The following ATP9B variants were observed in gnomAD, a reference collection of about 807,000 sequenced individuals.
ATP9B encodes probable phospholipid-transporting ATPase IIB.
ATP9B carries 110 observed loss-of-function variants against 146.1 expected under a neutral mutation model. The observed-to-expected ratio is 0.75, with a 90% confidence interval of 0.65 to 0.88. The LOEUF is 0.88. ATP9B is among the 40% of genes least tolerant of loss of function. The probability of loss-of-function intolerance (pLI) is 0.00; values close to 1 mark genes in which losing one functional copy is unlikely to be tolerated. For missense variants in ATP9B, 1,499 were observed against 1,496.4 expected (o/e 1.00, Z -0.03); for synonymous variants, 604 against 569.7 (o/e 1.06, Z -0.86).
chr18:79,317,989 G>A (rs1381027224), intron 15 of ATP9B, among the ~76,000 whole-genome samples: 1 of 152,232 alleles, frequency 6.6e-6, no homozygotes, highest in Non-Finnish European at 1.5e-5. Context: ...AGCTCCCTGT[G>A]GTGAATGCTG....
At chr18:79,245,626 G>C (rs73973028) in intron 11 of ATP9B, among the ~76,000 whole-genome samples, 51,873 of 98,702 alleles carry the variant, frequency 0.53, 11,269 homozygotes, top group African/African-American at 0.63. Context: ...CTACTGACTG[G>C]GGAGGGTACC....
intron 13 of ATP9B, among the ~76,000 whole-genome samples, chr18:79,278,437 C>T (rs1440540267): frequency 6.6e-6 from 1 of 152,144 alleles, no homozygotes; most frequent in East Asian, 1.9e-4. Flanking sequence ...GCTGATTTTG[C>T]CCAACTGTCA....
intron 26 of ATP9B, among the ~76,000 whole-genome samples, chr18:79,366,608 A>G (rs529428266): frequency 6.2e-4 from 95 of 152,354 alleles, no homozygotes; most frequent in African/African-American, 2.0e-3. Flanking sequence ...AGATAAATAA[A>G]TAGATGAAGA....
At chr18:79,200,790 G>GGGACTGTCGGGGGCAGAGC (rs1402464696) in intron 9 of ATP9B, among the ~76,000 whole-genome samples, 1 of 152,130 alleles carries the variant, frequency 6.6e-6, no homozygotes, top group South Asian at 2.1e-4. Context: ...AGTAGTGGTG[G>GGGACTGTCGGGGGCAGAGC]AATTGTTTTC....
chr18:79,175,880 A>G (rs1177543974), intron 7 of ATP9B, among the ~76,000 whole-genome samples: 2 of 152,178 alleles, frequency 1.3e-5, no homozygotes, highest in Non-Finnish European at 1.5e-5. Context: ...ATATCCACAC[A>G]CAGATGAACA....
chr18:79,353,302 A>G (rs1483907794), intron 25 of ATP9B: 1 of 152,304 alleles, frequency 6.6e-6, no homozygotes, highest in African/African-American at 2.4e-5. Context: ...GCTTCCACGC[A>G]AACCGACACA....
chr18:79,359,643 T>A (rs1253342845), intron 26 of ATP9B, 181 bp downstream of exon 26: 1 of 586,926 alleles, frequency 1.7e-6, no homozygotes, highest in Non-Finnish European at 3.1e-6. Flanking sequence ...TGAGTTAAAC[T>A]TCAAAAGGGG....
At position 79,359,441 on chromosome 18, in the gene ATP9B, G is replaced by A. The variant is rs755739344; in HGVS notation, c.2991G>A (p.Glu997=). The A allele has an allele frequency of 2.5e-6, 4 of 1,613,782 alleles. No homozygotes were observed. The East Asian group carries it at 6.7e-5, about 27-fold the overall frequency. Residue 997 remains glutamate, a synonymous_variant, in exon 26 of 30, where the codon GAG becomes GAA. Coordinates refer to ENST00000426216, the MANE Select transcript of ATP9B (RefSeq NM_198531.5). ...VKPEMAMLYP[E]LYKDLTKGRS... is the part of the protein sequence containing the mutation. ...CAGAGATGGCGATGCTCTACCCGGA[G>A]CTGTACAAGGACCTCACCAAGGTAC... is the stretch of plus-strand genomic sequence containing the variant.
chr18:79,171,365 T>A (rs2095067319), intron 7 of ATP9B, among the ~76,000 whole-genome samples: 1 of 152,208 alleles, frequency 6.6e-6, no homozygotes, highest in Non-Finnish European at 1.5e-5. Flanking sequence ...TATAGTTGAG[T>A]TATATAGATA....
intron 12 of ATP9B, among the ~76,000 whole-genome samples, chr18:79,270,123 G>A (rs1251732990): frequency 6.6e-6 from 1 of 152,058 alleles, no homozygotes; most frequent in Non-Finnish European, 1.5e-5. Flanking sequence ...TTTGTTTTAA[G>A]GTGTAGCTCT....
At chr18:79,343,889 G>A (rs780679007) in intron 20 of ATP9B, 10 of 278,240 alleles carry the variant, frequency 3.6e-5, no homozygotes, top group Non-Finnish European at 5.5e-5. Context: ...AATCATTATC[G>A]TTGTATGTTA....
Position 79,303,636 on chromosome 18 carries a change from C to A in ATP9B, c.1444C>A (p.Arg482=), listed in dbSNP as rs144039514. The change falls in exon 14 of 30, where the codon CGG becomes AGG. Residue 482 remains arginine, a synonymous_variant. Transcript: ENST00000426216. ...CACCCAGAATGAAATGATATTTAAG[C>A]GGCTGCACCTGGGCACCGTGTCCTA... ...TLTQNEMIFK[R]LHLGTVSYGA... The A allele has an allele frequency of 1.1e-4, 180 of 1,613,806 alleles. No homozygotes were observed. The highest frequency in any genetic ancestry group is 1.5e-4 in the Non-Finnish European group (173 of 1,179,934).
intron 5 of ATP9B, among the ~76,000 whole-genome samples, chr18:79,140,411 C>T (rs7228827): frequency 0.26 from 40,120 of 151,834 alleles, 6,060 homozygotes; most frequent in African/African-American, 0.42. Flanking sequence ...TTTCTTTACA[C>T]GGGCAGAAAT....
chr18:79,231,934 C>G (rs982790328), intron 11 of ATP9B, among the ~76,000 whole-genome samples: 4 of 152,028 alleles, frequency 2.6e-5, no homozygotes, highest in African/African-American at 9.7e-5. Flanking sequence ...CAAACATCAT[C>G]TGTTCTCATA....
At chr18:79,322,816 G>T (rs946566212) in intron 15 of ATP9B, among the ~76,000 whole-genome samples, 1 of 152,170 alleles carries the variant, frequency 6.6e-6, no homozygotes, top group Admixed American at 6.5e-5. Flanking sequence ...CAAATTCTAG[G>T]TGCCTCCCAG....
At chr18:79,330,806 G>A (rs2096786336) in intron 17 of ATP9B, among the ~76,000 whole-genome samples, 1 of 152,212 alleles carries the variant, frequency 6.6e-6, no homozygotes, top group African/African-American at 2.4e-5. Flanking sequence ...AGAATATTTT[G>A]TTTATAATAG....
At chr18:79,354,743 C>T (rs933935544) in intron 25 of ATP9B, among the ~76,000 whole-genome samples, 5 of 152,052 alleles carry the variant, frequency 3.3e-5, no homozygotes, top group African/African-American at 4.8e-5. Flanking sequence ...AGGGGCGAGG[C>T]GGCAGGAGCT....
chr18:79,325,745 C>T (rs890634956), intron 15 of ATP9B, among the ~76,000 whole-genome samples: 1 of 152,168 alleles, frequency 6.6e-6, no homozygotes, highest in Non-Finnish European at 1.5e-5. Context: ...GACACCATCG[C>T]GATCCCTGGC....
In ATP9B at chr18:79,329,430, G is replaced by GTTT. The variant is rs564440689; in HGVS notation, c.1935+138_1935+140dup. 2,999 of 809,184 alleles carry GTTT rather than the reference G, an allele frequency of 3.7e-3. 57 individuals are homozygous for GTTT. In the African/African-American group the frequency reaches 0.051, roughly 14 times the overall value. The allele number at this position is 809,184 out of a possible 1,614,324, so 50.1% of individuals were successfully genotyped here. The stretch of plus-strand genomic sequence containing the variant: ...GCTTTATGCTGTTACAGTTTTGTTT[G>GTTT]TTTTTTTTTTTTAATGAAATCTAAG... On this transcript the variant is annotated intron_variant, in intron 16 of 29. Transcript: ENST00000426216.
Sources: allele counts gnomAD v4.1 joint callset (sites outside exome capture counted in the v4.1 genomes callset), GRCh38; gene constraint gnomAD v4.1.1; transcripts MANE v1.5; gene names NCBI Gene and HGNC (gene_info 2026-07-23, HGNC 2026-07-21).